Variants in ST8SIA1 observed in about 807,000 individuals in gnomAD.
ST8SIA1 encodes the protein alpha-N-acetylneuraminide alpha-2,8-sialyltransferase.
In ST8SIA1, 16 loss-of-function variants were observed where a neutral mutation model predicts 35.9. That is an observed-to-expected ratio of 0.45 (90% CI 0.30 to 0.68). The LOEUF is 0.68. ST8SIA1 is among the 30% of genes least tolerant of loss of function. The probability of loss-of-function intolerance (pLI) is 0.09; values close to 1 mark genes in which losing one functional copy is unlikely to be tolerated. For synonymous variants in ST8SIA1, 170 were observed against 169.6 expected (o/e 1.00, Z -0.02); for missense variants, 383 against 453.6 (o/e 0.84, Z 1.41).
intron 4 of ST8SIA1, among the ~76,000 whole-genome samples, chr12:22,215,919 A>G (rs932300379): frequency 6.6e-5 from 10 of 152,192 alleles, no homozygotes; most frequent in African/African-American, 1.9e-4. Flanking sequence ...GGATCTACTC[A>G]AGGACTCTAT....
intron 1 of ST8SIA1, among the ~76,000 whole-genome samples, chr12:22,301,034 C>T (rs553733000): frequency 1.8e-4 from 27 of 152,096 alleles, no homozygotes; most frequent in African/African-American, 6.5e-4. Context: ...TGTACATTTT[C>T]AGTAATAATT....
chr12:22,306,612 T>A (rs917734046), intron 1 of ST8SIA1, among the ~76,000 whole-genome samples: 2 of 152,232 alleles, frequency 1.3e-5, no homozygotes, highest in African/African-American at 2.4e-5. Flanking sequence ...TTTATTATAA[T>A]GATTTTTCTT....
At chr12:22,269,080 C>G (rs544847674) in intron 2 of ST8SIA1, among the ~76,000 whole-genome samples, 12 of 152,242 alleles carry the variant, frequency 7.9e-5, no homozygotes, top group Non-Finnish European at 1.3e-4. Flanking sequence ...AGGCAGGGCC[C>G]TGGCAGACTT....
chr12:22,263,684 G>A (rs546657389), intron 2 of ST8SIA1, among the ~76,000 whole-genome samples: 17 of 152,168 alleles, frequency 1.1e-4, no homozygotes, highest in Admixed American at 6.5e-5. Context: ...AGTAATCCCC[G>A]CCAAACTCTT....
At chr12:22,331,238 C>T (rs1444520184) in intron 1 of ST8SIA1, among the ~76,000 whole-genome samples, 2 of 152,146 alleles carry the variant, frequency 1.3e-5, no homozygotes, top group East Asian at 1.9e-4. Flanking sequence ...GTTAAGTCAT[C>T]GTATTTATTT....
intron 4 of ST8SIA1, among the ~76,000 whole-genome samples, chr12:22,233,188 G>A (rs908469895): frequency 6.6e-6 from 1 of 152,132 alleles, no homozygotes; most frequent in African/African-American, 2.4e-5. Flanking sequence ...GTAAGTAGAC[G>A]TACAGGTCAT....
intron 1 of ST8SIA1, among the ~76,000 whole-genome samples, chr12:22,329,954 C>T (rs540854839): frequency 3.3e-5 from 5 of 152,282 alleles, no homozygotes; most frequent in African/African-American, 1.2e-4. Context: ...TGATGTTTGT[C>T]CATTTCTAAT....
chr12:22,312,982 T>A (rs951937304), intron 1 of ST8SIA1, among the ~76,000 whole-genome samples: 2 of 152,220 alleles, frequency 1.3e-5, no homozygotes, highest in Non-Finnish European at 2.9e-5. Flanking sequence ...TTGGAATAAC[T>A]TTTAAATTTG....
At chr12:22,255,160 T>C in intron 3 of ST8SIA1, 120 bp downstream of exon 3, 1 of 782,276 alleles carries the variant, frequency 1.3e-6, no homozygotes, top group Admixed American at 2.0e-5. Context: ...GAAGTGAAGC[T>C]AAGGAGCGTG....
intron 4 of ST8SIA1, among the ~76,000 whole-genome samples, chr12:22,236,527 T>C (rs1865477443): frequency 6.6e-6 from 1 of 151,800 alleles, no homozygotes; most frequent in South Asian, 2.1e-4. Context: ...TGAGGAGGGG[T>C]GGATGGGAGA....
intron 4 of ST8SIA1, among the ~76,000 whole-genome samples, chr12:22,225,365 C>A (rs1865344406): frequency 6.6e-6 from 1 of 152,002 alleles, no homozygotes; most frequent in African/African-American, 2.4e-5. Context: ...GATCTGGATC[C>A]TACTAGTAGC....
chr12:22,238,046 A>C (rs1865494691), intron 4 of ST8SIA1, among the ~76,000 whole-genome samples: 1 of 152,086 alleles, frequency 6.6e-6, no homozygotes, highest in Non-Finnish European at 1.5e-5. Context: ...TTTATTTTGC[A>C]TATGTGAGGG....
intron 2 of ST8SIA1, among the ~76,000 whole-genome samples, chr12:22,281,919 G>T (rs1866041550): frequency 6.6e-6 from 1 of 151,952 alleles, no homozygotes; most frequent in African/African-American, 2.4e-5. Context: ...GAGGTGGGAG[G>T]ATCACTTGAG....
intron 4 of ST8SIA1, among the ~76,000 whole-genome samples, chr12:22,219,728 AT>A (rs1372222802): frequency 6.6e-6 from 1 of 151,188 alleles, no homozygotes; most frequent in African/African-American, 2.4e-5. Flanking sequence ...GCAAATGGAA[AT>A]TTCTCACTGG....
At chr12:22,293,019 G>C (rs937504971) in intron 1 of ST8SIA1, among the ~76,000 whole-genome samples, 2 of 152,224 alleles carry the variant, frequency 1.3e-5, no homozygotes, top group African/African-American at 4.8e-5. Flanking sequence ...AATTCAAATT[G>C]AAGAAGTCAA....
intron 4 of ST8SIA1, among the ~76,000 whole-genome samples, chr12:22,220,169 C>G (rs73265987): frequency 0.013 from 1,925 of 152,260 alleles, 36 homozygotes; most frequent in African/African-American, 0.045. Flanking sequence ...AGGAACAGAA[C>G]AGTCAACTCC....
intron 4 of ST8SIA1, among the ~76,000 whole-genome samples, chr12:22,233,512 A>G (rs1865440903): frequency 6.6e-6 from 1 of 152,140 alleles, no homozygotes; most frequent in African/African-American, 2.4e-5. Flanking sequence ...ATCTCAAGTC[A>G]ATAAATCCTC....
At chr12:22,273,914 T>C (rs1044334612) in intron 2 of ST8SIA1, among the ~76,000 whole-genome samples, 2 of 152,140 alleles carry the variant, frequency 1.3e-5, no homozygotes, top group African/African-American at 4.8e-5. Context: ...CAAATACTTA[T>C]AGAATTGAAT....
intron 4 of ST8SIA1, among the ~76,000 whole-genome samples, chr12:22,210,542 G>A (rs535019399): frequency 7.2e-5 from 11 of 152,238 alleles, no homozygotes; most frequent in Admixed American, 2.6e-4. Flanking sequence ...TATCTACCTA[G>A]AGATAGCGTC....
Sources: allele counts gnomAD v4.1 joint callset (sites outside exome capture counted in the v4.1 genomes callset), GRCh38; gene constraint gnomAD v4.1.1; transcripts MANE v1.5; gene names NCBI Gene and HGNC (gene_info 2026-07-23, HGNC 2026-07-21).